The following MEGF6 variants were observed in gnomAD, a reference collection of about 807,000 sequenced individuals.
The protein encoded by MEGF6 is multiple EGF like domains 6, also known as multiple epidermal growth factor-like domains protein 6.
A neutral mutation model predicts 207.1 loss-of-function variants in MEGF6; 184 were observed. The ratio of observed to expected loss-of-function variants is 0.89; its 90% confidence interval spans 0.79 to 1.00. MEGF6 has a LOEUF of 1.00. Among genes scored for constraint, MEGF6 ranks in the 50% least tolerant of loss-of-function variants. The pLI, the probability that MEGF6 is intolerant of heterozygous loss-of-function variation, is 0.00. For missense variants in MEGF6, 2,282 were observed against 2,202.9 expected (o/e 1.04, Z -0.72); for synonymous variants, 1,038 against 910.0 (o/e 1.14, Z -2.53).
intron 4 of MEGF6, among the ~76,000 whole-genome samples, chr1:3,534,297 T>C (rs1201543952): frequency 1.3e-5 from 2 of 152,252 alleles, no homozygotes; most frequent in Non-Finnish European, 1.5e-5. Context: ...AAGGATCATA[T>C]TTGCACCTAT....
In MEGF6 at chr1:3,490,311, G is replaced by A. The variant is rs1232874747; in HGVS notation, c.*217C>T. ...GTTCTGCAGAGCCAGGCCAGGAGGCGCCTCTCTTCCAGCGGCCATGCGAGG... is the reference window on the plus strand; with the variant it reads ...GTTCTGCAGAGCCAGGCCAGGAGGCACCTCTCTTCCAGCGGCCATGCGAGG... On this transcript the variant is annotated 3_prime_UTR_variant, in exon 37 of 37. Coordinates refer to ENST00000356575, the MANE Select transcript of MEGF6 (RefSeq NM_001409.4). The A allele has an allele frequency of 3.1e-5, 18 of 577,936 alleles. No homozygotes were observed. The highest frequency in any genetic ancestry group is 2.5e-4 in the East Asian group (8 of 32,454). 35.8% of individuals were successfully genotyped at this position (577,936 alleles called of 1,614,324 possible).
intron 4 of MEGF6, among the ~76,000 whole-genome samples, chr1:3,546,326 C>T (rs1570107567): frequency 1.3e-5 from 2 of 152,244 alleles, no homozygotes; most frequent in South Asian, 4.1e-4. Flanking sequence ...CTCGCAAACG[C>T]TTCTAGCCCC....
chr1:3,587,034 A>G (rs913571332), intron 3 of MEGF6, among the ~76,000 whole-genome samples: 2 of 152,390 alleles, frequency 1.3e-5, no homozygotes, highest in East Asian at 1.9e-4. Context: ...GGGTTTCTGC[A>G]GCAACACAAG....
intron 2 of MEGF6, among the ~76,000 whole-genome samples, chr1:3,599,230 C>T (rs902249855): frequency 5.4e-4 from 83 of 152,364 alleles, no homozygotes; most frequent in African/African-American, 1.5e-3. Flanking sequence ...GAGGCTTTGG[C>T]GGGTTCCCAC....
chr1:3,542,064 G>C (rs570882451), intron 4 of MEGF6, among the ~76,000 whole-genome samples: 116 of 152,282 alleles, frequency 7.6e-4, no homozygotes, highest in African/African-American at 2.8e-3. Context: ...CTTCCGCCCA[G>C]ACCCGGCCTG....
intron 3 of MEGF6, among the ~76,000 whole-genome samples, chr1:3,593,486 T>A (rs990709105): frequency 6.3e-4 from 22 of 35,078 alleles, no homozygotes; most frequent in African/African-American, 2.6e-3. Flanking sequence ...GCCCCAGCCA[T>A]TCATGCGGCT....
intron 4 of MEGF6, among the ~76,000 whole-genome samples, chr1:3,568,981 T>C (rs1234231828): frequency 6.7e-6 from 1 of 149,886 alleles, no homozygotes; most frequent in Non-Finnish European, 1.5e-5. Context: ...GGCTGGGCAC[T>C]GCAGCTTCCA....
chr1:3,498,698 C>G lies in MEGF6; in HGVS notation c.3223G>C (p.Glu1075Gln). The G allele has an allele frequency of 6.4e-7, 1 of 1,565,358 alleles. No individual in the cohort carries two copies. The highest frequency in any genetic ancestry group is 8.6e-7 in the Non-Finnish European group (1 of 1,157,964). Residue 1075 changes from glutamate (E) to glutamine (Q), a missense_variant and splice_region_variant, in exon 25 of 37, where the codon GAG (glutamate) becomes CAG (glutamine). Coordinates refer to ENST00000356575, the MANE Select transcript of MEGF6 (RefSeq NM_001409.4). ...CCCTCCTCTGCCGCCCAGCGCTCAC[C>G]CTTCTCACAGGCCAGGCCGGCCCAG... ...EGWAGLACEK[E>Q]CLPRDVRAGC...
At position 3,496,704 on chromosome 1, in the gene MEGF6, C is replaced by T. The variant is rs766407528; in HGVS notation, c.3693G>A (p.Thr1231=). The T allele has an allele frequency of 1.9e-5, 30 of 1,560,448 alleles. No individual in the cohort carries two copies. Among genetic ancestry groups the T allele is most frequent in the East Asian group, 4.8e-5 (2 of 41,462 alleles). The change falls in exon 29 of 37, where the codon ACG becomes ACA. Residue 1231 remains threonine (T), a synonymous_variant. Transcript: ENST00000356575. ...ACCCAGTGGGGCAGCGGCAGGCCCC[C>T]GTGGCCGCATCACAGGAGCCCCCGT... is the stretch of plus-strand genomic sequence containing the variant. ...CLNGGSCDAA[T]GACRCPTGFL...
chr1:3,604,845 T>G (rs1644218879), intron 1 of MEGF6, among the ~76,000 whole-genome samples: 1 of 152,002 alleles, frequency 6.6e-6, no homozygotes, highest in Non-Finnish European at 1.5e-5. Flanking sequence ...GGACCAGAGG[T>G]TGGATCAGGG....
the MEGF6 span, among the ~76,000 whole-genome samples, chr1:3,619,439 G>T: frequency 1.3e-5 from 2 of 152,130 alleles, no homozygotes; most frequent in Non-Finnish European, 2.9e-5. Flanking sequence ...TGACTGGTAT[G>T]GTTTGGCTGT....
intron 4 of MEGF6, among the ~76,000 whole-genome samples, chr1:3,568,715 T>C (rs1643418260): frequency 1.3e-5 from 2 of 151,964 alleles, no homozygotes; most frequent in South Asian, 4.1e-4. Context: ...CTCCTGACGG[T>C]GGGTTTCTCT....
At chr1:3,584,797 C>T (rs1302715905) in intron 3 of MEGF6, among the ~76,000 whole-genome samples, 3 of 152,216 alleles carry the variant, frequency 2.0e-5, no homozygotes, top group East Asian at 1.9e-4. Context: ...GGTCTCTGCC[C>T]GCAAGCACCG....
the MEGF6 span, chr1:3,623,050 T>A: frequency 6.6e-6 from 1 of 152,342 alleles, no homozygotes; most frequent in Admixed American, 6.5e-5. Context: ...CAGTGTCACT[T>A]CATCCCATTC....
intron 30 of MEGF6, among the ~76,000 whole-genome samples, chr1:3,495,379 T>C (rs1569931622): frequency 6.6e-6 from 1 of 152,246 alleles, no homozygotes; most frequent in Non-Finnish European, 1.5e-5. Context: ...GCTGTGGCTG[T>C]GTTCATGAGC....
intron 23 of MEGF6, 144 bp downstream of exon 23, chr1:3,499,444 C>T (rs1315594847): frequency 1.1e-5 from 15 of 1,418,042 alleles, no homozygotes; most frequent in Non-Finnish European, 1.3e-5. Context: ...GACCAACGCT[C>T]TGGCCCGAGT....
chr1:3,605,546 ATT>A (rs1384545051), intron 1 of MEGF6, among the ~76,000 whole-genome samples: 410 of 25,918 alleles, frequency 0.016, 2 homozygotes, highest in African/African-American at 0.022. Context: ...AATCACACAT[ATT>A]CTCATACACT....
intron 4 of MEGF6, among the ~76,000 whole-genome samples, chr1:3,544,597 C>T (rs1642643996): frequency 6.6e-6 from 1 of 152,024 alleles, no homozygotes; most frequent in Non-Finnish European, 1.5e-5. Flanking sequence ...CTGGGGAGTG[C>T]TCCACACACC....
At chr1:3,580,682 A>G (rs1167838223) in intron 3 of MEGF6, among the ~76,000 whole-genome samples, 1 of 151,836 alleles carries the variant, frequency 6.6e-6, no homozygotes, top group African/African-American at 2.4e-5. Context: ...GGGGGCTCCA[A>G]TACCAACTTC....
Sources: allele counts gnomAD v4.1 joint callset (sites outside exome capture counted in the v4.1 genomes callset), GRCh38; gene constraint gnomAD v4.1.1; transcripts MANE v1.5; gene names NCBI Gene and HGNC (gene_info 2026-07-23, HGNC 2026-07-21).